Variants in PDGFD observed in about 807,000 individuals in gnomAD.
PDGFD encodes platelet-derived growth factor D.
A neutral mutation model predicts 44.7 loss-of-function variants in PDGFD; 30 were observed. The ratio of observed to expected loss-of-function variants is 0.67; its 90% CI spans 0.50 to 0.91. The LOEUF is 0.91. Among genes scored for constraint, PDGFD ranks in the 40% least tolerant of loss-of-function variants. The pLI, the probability that PDGFD is intolerant of heterozygous loss-of-function variation, is 0.00. For synonymous variants in PDGFD, 173 were observed against 168.4 expected, an observed-to-expected ratio of 1.03 and a Z score of -0.21; for missense variants, 445 against 457.8, an observed-to-expected ratio of 0.97 and a Z score of 0.25.
At chr11:104,071,149 GTAC>G (rs1565326602) in intron 1 of PDGFD, among the ~76,000 whole-genome samples, 3 of 151,784 alleles carry the variant, frequency 2.0e-5, no homozygotes. Context: ...TAAGTGTATA[GTAC>G]TACTAACTAT....
chr11:104,027,164 T>C (rs1860054655), intron 1 of PDGFD, among the ~76,000 whole-genome samples: 1 of 152,260 alleles, frequency 6.6e-6, no homozygotes, highest in Non-Finnish European at 1.5e-5. Context: ...AGGATGTATT[T>C]ATTCAACCTT....
At chr11:104,120,931 C>T (rs1861770790) in intron 1 of PDGFD, among the ~76,000 whole-genome samples, 1 of 151,936 alleles carries the variant, frequency 6.6e-6, no homozygotes. Flanking sequence ...CTCCACAGCT[C>T]AAATGTAAAA....
At chr11:103,927,757 G>A (rs1392827598) in intron 5 of PDGFD, among the ~76,000 whole-genome samples, 2 of 152,268 alleles carry the variant, frequency 1.3e-5, no homozygotes, top group Admixed American at 1.3e-4. Context: ...TAAGTGCTTT[G>A]GAGCCGCAGT....
At chr11:104,008,896 TATA>T (rs200640658) in intron 1 of PDGFD, among the ~76,000 whole-genome samples, 1,566 of 152,186 alleles carry the variant, frequency 0.01, 25 homozygotes, top group African/African-American at 0.035. Context: ...ATATGCATAT[TATA>T]ATAATAATGC....
intron 6 of PDGFD, among the ~76,000 whole-genome samples, chr11:103,922,607 T>C (rs113232940): frequency 0.024 from 3,586 of 152,244 alleles, 147 homozygotes; most frequent in African/African-American, 0.082. Context: ...TAGAGTGCAG[T>C]TGCATGATCA....
At chr11:104,142,081 A>G (rs1433075075) in intron 1 of PDGFD, among the ~76,000 whole-genome samples, 1 of 152,150 alleles carries the variant, frequency 6.6e-6, no homozygotes, top group Non-Finnish European at 1.5e-5. Context: ...CCATATTAAT[A>G]CTGCCATATT....
chr11:103,968,216 C>A (rs1330618152), intron 3 of PDGFD, among the ~76,000 whole-genome samples: 1 of 152,126 alleles, frequency 6.6e-6, no homozygotes, highest in Non-Finnish European at 1.5e-5. Flanking sequence ...GTCAGCATTT[C>A]CCAGCACTCT....
At chr11:103,913,702 A>G (rs1270483622) in intron 6 of PDGFD, among the ~76,000 whole-genome samples, 1 of 152,194 alleles carries the variant, frequency 6.6e-6, no homozygotes, top group East Asian at 1.9e-4. Flanking sequence ...AAATAAATCA[A>G]TGAATCCAGG....
At chr11:104,101,947 C>G (rs866771429) in intron 1 of PDGFD, among the ~76,000 whole-genome samples, 2 of 151,618 alleles carry the variant, frequency 1.3e-5, no homozygotes, top group East Asian at 3.9e-4. Context: ...TAAAGACTTA[C>G]ATGTTAGACC....
intron 1 of PDGFD, among the ~76,000 whole-genome samples, chr11:104,001,853 C>G (rs1240165525): frequency 6.6e-6 from 1 of 152,086 alleles, no homozygotes; most frequent in Non-Finnish European, 1.5e-5. Context: ...GTTAGAGCTT[C>G]CAAAAATAAG....
intron 1 of PDGFD, among the ~76,000 whole-genome samples, chr11:104,076,231 T>G (rs889196981): frequency 6.6e-6 from 1 of 152,198 alleles, no homozygotes; most frequent in Admixed American, 6.5e-5. Context: ...AACTGTTAGT[T>G]AATTAAACCT....
intron 1 of PDGFD, among the ~76,000 whole-genome samples, chr11:104,106,221 TA>T (rs1324675514): frequency 6.6e-6 from 1 of 152,102 alleles, no homozygotes; most frequent in Non-Finnish European, 1.5e-5. Flanking sequence ...CAAGATGAGG[TA>T]ATTCCAATTT....
chr11:103,950,416 T>A lies in PDGFD; in HGVS notation c.511-2692A>T, dbSNP rs190414031. 8.6e-3 allele frequency among the ~76,000 whole-genome samples: 1,204 copies of A among 140,268 alleles called. 17 individuals carry two copies. Among genetic ancestry groups the A allele is most frequent in the African/African-American group, 0.031 (1,153 of 36,844 alleles). 92.0% of individuals were successfully genotyped at this position (140,268 alleles called of 152,430 possible). ...ATACAAAAAAAAAAAAAAAAAAAAT[T>A]AGCCAGGTGTGGTGGCATGTACCTG... On this transcript the variant is annotated intron_variant, in intron 3 of 6. Coordinates refer to ENST00000393158, the MANE Select transcript of PDGFD (RefSeq NM_025208.5).
In PDGFD at chr11:104,003,522, A is replaced by C. The variant is rs1321599590; in HGVS notation, c.125-3267T>G. The stretch of plus-strand genomic sequence containing the variant: ...TGGAAGGGCAGGTGGCAGTGATGCC[A>C]CTTTGGGGGAAAAATAGAAAGGAAT... On this transcript the variant is annotated intron_variant, in intron 1 of 6. Transcript: ENST00000393158. Among the ~76,000 whole-genome samples the C allele has an allele frequency of 5.9e-5, 9 of 152,338 alleles. No homozygotes were observed. In the East Asian group the frequency reaches 1.7e-3, roughly 29 times the overall value.
At chr11:103,998,606 T>G (rs2134365001) in intron 2 of PDGFD, among the ~76,000 whole-genome samples, 1 of 152,302 alleles carries the variant, frequency 6.6e-6, no homozygotes, top group South Asian at 2.1e-4. Flanking sequence ...GGAAACTGTT[T>G]CCTTGAGTTT....
rs12286107 is a variant in PDGFD, at chr11:103,910,983, C to T, written c.988-1164G>A. Among the ~76,000 whole-genome samples, 896 of 152,310 alleles carry T rather than the reference C, an allele frequency of 5.9e-3. 6 individuals carry two copies. The highest frequency in any genetic ancestry group is 0.019 in the African/African-American group (803 of 41,572). On this transcript the variant is annotated intron_variant, in intron 6 of 6. Coordinates refer to ENST00000393158, the MANE Select transcript of PDGFD (RefSeq NM_025208.5). ...AAGCTACTGGGAAGTTTGAATGGGG[C>T]GGAGCCCACCGCAGCTCAGCAAGGC...
chr11:104,122,963 C>T (rs1164003629), intron 1 of PDGFD, among the ~76,000 whole-genome samples: 5 of 152,048 alleles, frequency 3.3e-5, no homozygotes, highest in Non-Finnish European at 7.4e-5. Context: ...GACCCTGGAT[C>T]TCCTATTCAC....
intron 1 of PDGFD, among the ~76,000 whole-genome samples, chr11:104,041,753 T>C (rs1860357237): frequency 6.6e-6 from 1 of 152,232 alleles, no homozygotes; most frequent in Non-Finnish European, 1.5e-5. Context: ...ACATATAATC[T>C]TAACCTCTTT....
chr11:104,101,978 A>G (rs1861390398), intron 1 of PDGFD, among the ~76,000 whole-genome samples: 1 of 152,108 alleles, frequency 6.6e-6, no homozygotes, highest in South Asian at 2.1e-4. Flanking sequence ...AAAACCCTAG[A>G]AGAAAACCTA....
Sources: gnomAD v4.1 joint callset for allele counts (sites outside exome capture counted in the v4.1 genomes callset) on GRCh38, gnomAD v4.1.1 for gene constraint, MANE v1.5 for transcripts, NCBI Gene and HGNC (gene_info 2026-07-23, HGNC 2026-07-21) for gene names.